SH2D4B: variants seen among roughly 807,000 people sequenced by gnomAD.
SH2D4B encodes SH2 domain-containing protein 4B.
A neutral mutation model predicts 61.5 loss-of-function variants in SH2D4B; 45 were observed. The observed-to-expected ratio is 0.73, with a 90% CI of 0.58 to 0.94. SH2D4B has a LOEUF of 0.94. Ranked by LOEUF, SH2D4B falls within the 40% of genes least tolerant of loss-of-function variation. The pLI, the probability that SH2D4B is intolerant of heterozygous loss-of-function variation, is 0.00. For synonymous variants in SH2D4B, 224 were observed against 220.4 expected, an observed-to-expected ratio of 1.02 and a Z score of -0.14; for missense variants, 572 against 574.2, an observed-to-expected ratio of 1.00 and a Z score of 0.04.
chr10:80,555,002 CAAA>C lies in SH2D4B; in HGVS notation c.185-15129_185-15127del, dbSNP rs35160548. On this transcript the variant is annotated intron_variant, in intron 1 of 7. Coordinates refer to ENST00000646907, the MANE Select transcript of SH2D4B (RefSeq NM_001388272.1). ...CCAGCCTGGGCGACAAGGCGAGTCTCAAAAAAAAAAAAAAAAAAAAAAAAATCC... is the reference window on the plus strand; with the variant it reads ...CCAGCCTGGGCGACAAGGCGAGTCTCAAAAAAAAAAAAAAAAAAAAAATCC... Among the ~76,000 whole-genome samples the C allele has an allele frequency of 1.1e-3, 67 of 63,648 alleles. 1 individual carries two copies. The highest frequency in any genetic ancestry group is 1.8e-3 in the South Asian group (3 of 1,706). 41.8% of individuals were successfully genotyped at this position (63,648 alleles called of 152,430 possible). A position where few individuals can be genotyped will look rare whatever the true frequency, so the allele number is the denominator to read the frequency against.
At chr10:80,634,167 C>A in intron 6 of SH2D4B, 118 bp from the exon 7 acceptor site, 1 of 1,351,764 alleles carries the variant, frequency 7.4e-7, no homozygotes, top group South Asian at 1.6e-5. Context: ...CCACCCTGGA[C>A]TGTGTGGATG....
At chr10:80,589,179 T>C (rs1303010291) in intron 4 of SH2D4B, among the ~76,000 whole-genome samples, 2 of 151,936 alleles carry the variant, frequency 1.3e-5, no homozygotes, top group East Asian at 2.0e-4. Flanking sequence ...AATTTTCGTA[T>C]TTTTAGTAGA....
At chr10:80,604,791 G>T (rs1417692606) in intron 5 of SH2D4B, among the ~76,000 whole-genome samples, 1 of 148,210 alleles carries the variant, frequency 6.7e-6, no homozygotes, top group Non-Finnish European at 1.5e-5. Context: ...ACTGTTCTTA[G>T]TTTTTTTTTT....
At chr10:80,600,818 C>T (rs1279297018) in intron 4 of SH2D4B, among the ~76,000 whole-genome samples, 2 of 152,192 alleles carry the variant, frequency 1.3e-5, no homozygotes, top group Admixed American at 1.3e-4. Flanking sequence ...TGTAGCCTGC[C>T]TGCCTGTCTG....
intron 7 of SH2D4B, among the ~76,000 whole-genome samples, chr10:80,636,195 C>T (rs965434938): frequency 3.3e-5 from 5 of 152,182 alleles, no homozygotes; most frequent in African/African-American, 1.2e-4. Flanking sequence ...TCTAGTCTAT[C>T]ATTGATGGAC....
intron 5 of SH2D4B, among the ~76,000 whole-genome samples, chr10:80,604,814 G>C (rs1842497908): frequency 6.7e-6 from 1 of 148,676 alleles, no homozygotes; most frequent in Non-Finnish European, 1.5e-5. Flanking sequence ...CTTTTTTTGA[G>C]ACAGAGTCTT....
intron 5 of SH2D4B, among the ~76,000 whole-genome samples, chr10:80,608,432 T>G (rs1842546699): frequency 6.6e-6 from 1 of 152,144 alleles, no homozygotes; most frequent in South Asian, 2.1e-4. Flanking sequence ...TGTGCCATGA[T>G]TTCATGCACC....
chr10:80,615,758 A>G (rs6586109), intron 6 of SH2D4B, among the ~76,000 whole-genome samples: 83,122 of 152,130 alleles, frequency 0.55, 24,666 homozygotes, highest in African/African-American at 0.77. Context: ...GGGACAGTTA[A>G]GATGGGGTTC....
At chr10:80,603,268 G>A (rs896358409) in intron 4 of SH2D4B, among the ~76,000 whole-genome samples, 2 of 152,102 alleles carry the variant, frequency 1.3e-5, no homozygotes, top group African/African-American at 4.8e-5. Flanking sequence ...TGGCCATTCT[G>A]GAATGGCGTC....
rs139093419 is a variant in SH2D4B at position 80,548,454 on chromosome 10, G to A, written c.184+9939G>A. 2.6e-3 allele frequency among the ~76,000 whole-genome samples: 396 copies of A among 152,232 alleles called. 1 individual carries two copies. The highest frequency in any genetic ancestry group is 8.4e-3 in the African/African-American group (348 of 41,520). The stretch of plus-strand genomic sequence containing the variant: ...GCTGGGATTACAGGTGTGAGCCACC[G>A]CGTCCAGCCTCATTTTTCCACCCTT... On this transcript the variant is annotated intron_variant, in intron 1 of 7. Transcript: ENST00000646907.
chr10:80,570,155 A>C lies in SH2D4B; in HGVS notation c.186A>C (p.Ala62=), dbSNP rs755201696. ...CTTCTTCCTTCTTCTATTGTGAAGCAGCGAGTGACAAGCACATCCAATGGC... is the reference window on the plus strand; with the variant it reads ...CTTCTTCCTTCTTCTATTGTGAAGCCGCGAGTGACAAGCACATCCAATGGC... The part of the protein sequence containing the change: ...EGLRPPKTKR[A]ASDKHIQWLL... Residue 62 remains alanine (A), a splice_region_variant and synonymous_variant, in exon 2 of 8, where the codon GCA becomes GCC. Coordinates refer to ENST00000646907, the MANE Select transcript of SH2D4B (RefSeq NM_001388272.1). 1.5e-5 allele frequency: 24 copies of C among 1,613,998 alleles called. No individual in the cohort carries two copies. The highest frequency in any genetic ancestry group is 2.0e-5 in the Non-Finnish European group (24 of 1,179,996).
intron 3 of SH2D4B, among the ~76,000 whole-genome samples, chr10:80,577,813 C>G (rs970723565): frequency 3.9e-5 from 6 of 152,062 alleles, no homozygotes; most frequent in Admixed American, 3.9e-4. Flanking sequence ...CTGCCTGCCT[C>G]GGCCTCCCAA....
chr10:80,560,467 CAAGCCATCCTCCAGCCT>C (rs987869738), intron 1 of SH2D4B, among the ~76,000 whole-genome samples: 2 of 151,240 alleles, frequency 1.3e-5, no homozygotes, highest in East Asian at 1.9e-4. Context: ...TCCTGGGGCT[CAAGCCATCCTCCAGCCT>C]AAGCCATCCT....
At chr10:80,553,111 T>G (rs889942917) in intron 1 of SH2D4B, among the ~76,000 whole-genome samples, 9 of 152,098 alleles carry the variant, frequency 5.9e-5, no homozygotes, top group African/African-American at 2.2e-4. Flanking sequence ...AGAGATGGGG[T>G]TTCACCATGT....
intron 6 of SH2D4B, among the ~76,000 whole-genome samples, chr10:80,623,825 G>A (rs1461998605): frequency 6.6e-6 from 1 of 152,140 alleles, no homozygotes; most frequent in Non-Finnish European, 1.5e-5. Context: ...TCCAACTGCT[G>A]TACAGTACTC....
At chr10:80,558,186 CT>C (rs1841862042) in intron 1 of SH2D4B, among the ~76,000 whole-genome samples, 3 of 151,800 alleles carry the variant, frequency 2.0e-5, no homozygotes, top group Non-Finnish European at 4.4e-5. Context: ...ATTTATTCCA[CT>C]GTGGTCAGAG....
chr10:80,627,714 C>T (rs1842780062), intron 6 of SH2D4B, among the ~76,000 whole-genome samples: 1 of 151,230 alleles, frequency 6.6e-6, no homozygotes, highest in South Asian at 2.1e-4. Flanking sequence ...GTGTCTCATT[C>T]ACTGCTGACT....
chr10:80,569,433 C>T (rs760088099), intron 1 of SH2D4B, among the ~76,000 whole-genome samples: 2 of 151,618 alleles, frequency 1.3e-5, no homozygotes, highest in Admixed American at 1.3e-4. Context: ...GCAAGGAAAG[C>T]AACTTTATTT....
At position 80,576,992 on chromosome 10, in the gene SH2D4B, C is replaced by T. The variant is rs961755402; in HGVS notation, c.495+5414C>T. On this transcript the variant is annotated intron_variant, in intron 3 of 7. Transcript: ENST00000646907. ...ATGTTAGCCAAGTTGGTCTCGAACT[C>T]CTGACCTCAAGTGATCTGCCTGCCT... Among the ~76,000 whole-genome samples, 19 of 152,336 alleles carry T rather than the reference C, an allele frequency of 1.2e-4. 1 individual carries two copies. The East Asian group carries it at 2.5e-3, about 20-fold the overall frequency.
Sources: allele counts gnomAD v4.1 joint callset (sites outside exome capture counted in the v4.1 genomes callset), GRCh38; gene constraint gnomAD v4.1.1; transcripts MANE v1.5; gene names NCBI Gene and HGNC (gene_info 2026-07-23, HGNC 2026-07-21).